The following PCCB variants were observed in gnomAD, a reference collection of about 807,000 sequenced individuals.
PCCB encodes the protein propionyl-CoA carboxylase beta chain, mitochondrial.
PCCB carries 43 observed loss-of-function variants against 60.7 expected under a neutral mutation model. That is an observed-to-expected ratio of 0.71 (90% CI 0.55 to 0.91). The LOEUF (loss-of-function observed/expected upper bound fraction) is 0.91, where lower values mean the gene tolerates loss of function less well. PCCB is among the 40% of genes least tolerant of loss of function. The pLI is 0.00. For missense variants in PCCB, 766 were observed against 702.8 expected, an observed-to-expected ratio of 1.09 and a Z score of -1.02; for synonymous variants, 276 against 255.9, an observed-to-expected ratio of 1.08 and a Z score of -0.75.
At chr3:136,274,835 T>C (rs954966233) in intron 5 of PCCB, among the ~76,000 whole-genome samples, 2 of 152,000 alleles carry the variant, frequency 1.3e-5, no homozygotes, top group African/African-American at 2.4e-5. Flanking sequence ...TTTTTTTTTT[T>C]TTCTTTCTTG....
At chr3:136,300,115 T>C (rs1934201962) in intron 8 of PCCB, among the ~76,000 whole-genome samples, 1 of 152,054 alleles carries the variant, frequency 6.6e-6, no homozygotes, top group Non-Finnish European at 1.5e-5. Flanking sequence ...CATGCATATC[T>C]ACACGTGTAT....
In PCCB at chr3:136,297,988, C is replaced by A. The variant is rs774249198; in HGVS notation, c.800C>A (p.Ala267Asp). ...AHRAFENDVD[A>D]LCNLRDFFNY... ...AGAGCTTTTGAAAATGATGTTGATG[C>A]CTTGTGTAATCTCCGGGATTTCTTC... Residue 267 changes from alanine (A) to aspartate (D), a missense_variant, in exon 8 of 15, where the codon GCC becomes GAC. Ala to Asp is a moderately radical substitution (Grantham distance 126, BLOSUM62 -2). Transcript: ENST00000251654. 1.2e-6 allele frequency: 2 copies of A among 1,614,034 alleles called. No homozygotes were observed. Among genetic ancestry groups the A allele is most frequent in the South Asian group, 1.1e-5 (1 of 91,080 alleles).
rs775563122 is a variant in PCCB at position 136,328,761 on chromosome 3, G to T, written c.1402G>T (p.Ala468Ser). ...AEIAVMGAKG[A>S]VEIIFKGHEN... ...TCATGAACTCCTCTAATCACAGGGC[G>T]CTGTGGAGATCATCTTCAAAGGGCA... The change falls in exon 14 of 15, where the codon GCT becomes TCT. Residue 468 changes from alanine to serine, a missense_variant. Ala to Ser is a moderately conservative substitution (Grantham distance 99). Coordinates refer to ENST00000251654, the MANE Select transcript of PCCB (RefSeq NM_000532.5). The T allele has an allele frequency of 1.2e-6, 2 of 1,613,118 alleles. No homozygotes were observed. The highest frequency in any genetic ancestry group is 3.3e-5 in the Admixed American group (2 of 60,022).
chr3:136,322,111 G>A (rs1450641228), intron 10 of PCCB, among the ~76,000 whole-genome samples: 1 of 152,172 alleles, frequency 6.6e-6, no homozygotes, highest in African/African-American at 2.4e-5. Flanking sequence ...TTTCATAGAT[G>A]TTCTTTATAA....
intron 5 of PCCB, among the ~76,000 whole-genome samples, chr3:136,267,004 A>T (rs1202804029): frequency 6.6e-6 from 1 of 151,922 alleles, no homozygotes; most frequent in East Asian, 1.9e-4. Context: ...TGCCTCAGTC[A>T]CCCAAGTAGC....
intron 5 of PCCB, among the ~76,000 whole-genome samples, chr3:136,265,835 T>G (rs912318364): frequency 6.6e-6 from 1 of 151,948 alleles, no homozygotes; most frequent in East Asian, 1.9e-4. Flanking sequence ...TTTTTGTTTT[T>G]TTTTTTTTGA....
intron 5 of PCCB, among the ~76,000 whole-genome samples, chr3:136,281,442 T>C (rs989982040): frequency 6.6e-6 from 1 of 152,094 alleles, no homozygotes; most frequent in African/African-American, 2.4e-5. Context: ...AACTCCAGGC[T>C]TTCTGCTTGG....
chr3:136,261,181 G>C (rs970246866), intron 4 of PCCB, among the ~76,000 whole-genome samples: 1 of 152,210 alleles, frequency 6.6e-6, no homozygotes, highest in Non-Finnish European at 1.5e-5. Context: ...AGAACAGTGC[G>C]AGCATTGTAT....
chr3:136,310,193 G>A (rs140027310), intron 9 of PCCB, among the ~76,000 whole-genome samples: 100 of 152,122 alleles, frequency 6.6e-4, no homozygotes, highest in African/African-American at 2.3e-3. Flanking sequence ...GAGAAACCTC[G>A]TCTTTACTAA....
At chr3:136,319,413 C>T (rs1576354798) in intron 10 of PCCB, among the ~76,000 whole-genome samples, 1 of 144,034 alleles carries the variant, frequency 6.9e-6, no homozygotes, top group East Asian at 2.0e-4. Context: ...GAGATGGAGT[C>T]TCGCGCTCTC....
intron 9 of PCCB, among the ~76,000 whole-genome samples, chr3:136,313,835 T>C (rs1374604422): frequency 6.6e-6 from 1 of 152,210 alleles, no homozygotes; most frequent in African/African-American, 2.4e-5. Flanking sequence ...CCATTTTCTC[T>C]GTATTTGAGG....
chr3:136,324,238 G>T (rs913360800), intron 10 of PCCB, among the ~76,000 whole-genome samples: 2 of 151,908 alleles, frequency 1.3e-5, no homozygotes, highest in African/African-American at 4.8e-5. Context: ...GAGCCACCAT[G>T]CCCAGCCTGT....
intron 4 of PCCB, 90 bp downstream of exon 4, chr3:136,260,625 G>A: frequency 2.7e-6 from 3 of 1,093,222 alleles, no homozygotes; most frequent in Non-Finnish European, 4.1e-6. Flanking sequence ...CACTGAGCTA[G>A]GTACTTGGGG....
intron 10 of PCCB, among the ~76,000 whole-genome samples, chr3:136,323,050 A>T (rs1935165491): frequency 6.9e-6 from 1 of 145,148 alleles, no homozygotes; most frequent in South Asian, 2.2e-4. Flanking sequence ...TCTTTCAGTA[A>T]TTTGACTATA....
chr3:136,300,226 G>T (rs1368359875), intron 8 of PCCB, among the ~76,000 whole-genome samples: 4 of 152,102 alleles, frequency 2.6e-5, no homozygotes, highest in Admixed American at 6.5e-5. Context: ...AGCAGATGGG[G>T]CTACCCTTAG....
At chr3:136,323,182 C>T (rs1455338860) in intron 10 of PCCB, among the ~76,000 whole-genome samples, 1 of 152,104 alleles carries the variant, frequency 6.6e-6, no homozygotes, top group Non-Finnish European at 1.5e-5. Flanking sequence ...ATCAGATTAT[C>T]TCCTTGCCAC....
rs755323819 is a variant in PCCB at position 136,328,821 on chromosome 3, G to A, written c.1462G>A (p.Glu488Lys). The A allele has an allele frequency of 6.8e-6, 11 of 1,614,066 alleles. No individual in the cohort carries two copies. Among genetic ancestry groups the A allele is most frequent in the East Asian group, 6.7e-5 (3 of 44,894 alleles). ...GGAAGCTGCTCAGGCAGAGTACATCGAGAAGTTTGCCAACCCTTTCCCTGC... is the reference window on the plus strand; with the variant it reads ...GGAAGCTGCTCAGGCAGAGTACATCAAGAAGTTTGCCAACCCTTTCCCTGC... ...NVEAAQAEYI[E>K]KFANPFPAAV... is the part of the protein sequence containing the mutation. Residue 488 changes from glutamate to lysine, a missense_variant, in exon 14 of 15, where the codon GAG (glutamate) becomes AAG (lysine). Physicochemically the swap from Glu to Lys is moderately conservative, Grantham distance 56 (BLOSUM62 1). Coordinates refer to ENST00000251654, the MANE Select transcript of PCCB (RefSeq NM_000532.5).
intron 9 of PCCB, among the ~76,000 whole-genome samples, chr3:136,315,942 G>A (rs1323838216): frequency 2.0e-5 from 3 of 151,978 alleles, no homozygotes; most frequent in Non-Finnish European, 4.4e-5. Context: ...AGTGATGGTC[G>A]GGCACAGTGG....
chr3:136,260,594 G>A (rs1462442750), intron 4 of PCCB, 59 bp downstream of exon 4: 1 of 1,380,420 alleles, frequency 7.2e-7, no homozygotes, highest in Non-Finnish European at 1.0e-6. Context: ...AGTGCTTATT[G>A]AGTATCTTTG....
Sources: allele counts gnomAD v4.1 joint callset (sites outside exome capture counted in the v4.1 genomes callset), GRCh38; gene constraint gnomAD v4.1.1; transcripts MANE v1.5; gene names NCBI Gene and HGNC (gene_info 2026-07-23, HGNC 2026-07-21).